ROR2: variants seen among roughly 807,000 people sequenced by gnomAD.
ROR2 encodes tyrosine-protein kinase transmembrane receptor ROR2.
In ROR2, 33 loss-of-function variants were observed where a neutral mutation model predicts 74.9. The observed-to-expected ratio is 0.44, with a 90% CI of 0.33 to 0.59. The LOEUF is 0.59. ROR2 is among the 20% of genes least tolerant of loss of function. The pLI is 0.02. For missense variants in ROR2, 1,216 were observed against 1,313.8 expected (o/e 0.93, Z 1.15); for synonymous variants, 586 against 558.7 (o/e 1.05, Z -0.69).
At chr9:91,731,187 CG>C (rs1837232937) in intron 6 of ROR2, 32 bp from the exon 7 acceptor site, 31 of 1,613,438 alleles carry the variant, frequency 1.9e-5, no homozygotes, top group Non-Finnish European at 2.5e-5. Context: ...GGAAAACCTC[CG>C]GGGTACAACA....
At chr9:91,844,836 G>A (rs1029128551) in intron 1 of ROR2, among the ~76,000 whole-genome samples, 2 of 152,178 alleles carry the variant, frequency 1.3e-5, no homozygotes, top group Non-Finnish European at 2.9e-5. Context: ...AGAATAGCAA[G>A]CCTCGCCCCA....
At chr9:91,790,536 A>G (rs1412553192) in intron 1 of ROR2, among the ~76,000 whole-genome samples, 2 of 151,808 alleles carry the variant, frequency 1.3e-5, no homozygotes, top group African/African-American at 4.8e-5. Context: ...AAAGTACAGC[A>G]CATAAAATTA....
At chr9:91,887,748 G>A (rs991814136) in intron 1 of ROR2, among the ~76,000 whole-genome samples, 2 of 149,526 alleles carry the variant, frequency 1.3e-5, no homozygotes, top group Non-Finnish European at 3.0e-5. Context: ...CAAATTCAAC[G>A]CCCTCCAGCA....
At chr9:91,917,152 T>G (rs945040095) in intron 1 of ROR2, among the ~76,000 whole-genome samples, 10 of 152,196 alleles carry the variant, frequency 6.6e-5, no homozygotes, top group Admixed American at 3.3e-4. Context: ...ATGCTTCAGC[T>G]CAACCATTTT....
intron 1 of ROR2, among the ~76,000 whole-genome samples, chr9:91,839,515 G>A (rs1483032351): frequency 2.0e-5 from 3 of 151,788 alleles, no homozygotes; most frequent in Non-Finnish European, 4.4e-5. Flanking sequence ...GGTATGTGTG[G>A]TGCGTGTATG....
intron 1 of ROR2, among the ~76,000 whole-genome samples, chr9:91,914,625 G>C (rs1445575498): frequency 6.6e-6 from 1 of 152,152 alleles, no homozygotes; most frequent in Admixed American, 6.5e-5. Flanking sequence ...GGGCAGGGGA[G>C]AGGCTTTTCC....
intron 1 of ROR2, among the ~76,000 whole-genome samples, chr9:91,916,934 G>A (rs577600392): frequency 2.0e-5 from 3 of 152,092 alleles, no homozygotes; most frequent in Non-Finnish European, 4.4e-5. Context: ...CCATGCTGGA[G>A]TGGAAAATGT....
At chr9:91,865,459 A>C (rs1031388750) in intron 1 of ROR2, among the ~76,000 whole-genome samples, 2 of 152,222 alleles carry the variant, frequency 1.3e-5, no homozygotes, top group Non-Finnish European at 2.9e-5. Flanking sequence ...AGAATACCAA[A>C]ACATTGGCTT....
chr9:91,846,562 G>T (rs181034100), intron 1 of ROR2, among the ~76,000 whole-genome samples: 16 of 152,278 alleles, frequency 1.1e-4, no homozygotes, highest in Non-Finnish European at 2.2e-4. Flanking sequence ...GGAGCCTACA[G>T]AGCAGACTTT....
chr9:91,796,163 C>A (rs1431684968), intron 1 of ROR2, among the ~76,000 whole-genome samples: 1 of 152,140 alleles, frequency 6.6e-6, no homozygotes, highest in African/African-American at 2.4e-5. Flanking sequence ...CACTTTTGGC[C>A]AGGCACAGTG....
intron 1 of ROR2, among the ~76,000 whole-genome samples, chr9:91,842,430 G>A (rs1828810216): frequency 6.6e-6 from 1 of 152,238 alleles, no homozygotes; most frequent in South Asian, 2.1e-4. Flanking sequence ...GAGGCACCAA[G>A]AATGCAAGTC....
intron 1 of ROR2, among the ~76,000 whole-genome samples, chr9:91,844,603 G>A (rs1416740918): frequency 6.6e-6 from 1 of 152,204 alleles, no homozygotes; most frequent in East Asian, 1.9e-4. Context: ...GGCAGCGGCT[G>A]GGGCTGAACT....
intron 1 of ROR2, among the ~76,000 whole-genome samples, chr9:91,881,485 C>T (rs1364409094): frequency 6.6e-6 from 1 of 152,184 alleles, no homozygotes; most frequent in Non-Finnish European, 1.5e-5. Flanking sequence ...TTTTGTTATA[C>T]AGTATGTCAT....
At chr9:91,855,190 A>G (rs1829240806) in intron 1 of ROR2, among the ~76,000 whole-genome samples, 1 of 152,140 alleles carries the variant, frequency 6.6e-6, no homozygotes. Flanking sequence ...TTCACATTAG[A>G]CTCAATGCTC....
At chr9:91,794,499 GA>G (rs79636416) in intron 1 of ROR2, among the ~76,000 whole-genome samples, 6,995 of 152,242 alleles carry the variant, frequency 0.046, 362 homozygotes, top group East Asian at 0.29. Flanking sequence ...AATCCCAGAA[GA>G]AACAAATCCA....
intron 1 of ROR2, among the ~76,000 whole-genome samples, chr9:91,796,453 A>AAAAAC (rs1564282096): frequency 6.6e-6 from 1 of 151,960 alleles, no homozygotes; most frequent in East Asian, 1.9e-4. Context: ...AAAAAAAAAA[A>AAAAAC]AACATTTTCA....
At chr9:91,918,282 A>T (rs914560081) in intron 1 of ROR2, among the ~76,000 whole-genome samples, 4 of 151,388 alleles carry the variant, frequency 2.6e-5, no homozygotes, top group African/African-American at 7.3e-5. Flanking sequence ...AAAAAAAAGA[A>T]GTTGTTGAAG....
At chr9:91,874,136 C>T (rs1829885299) in intron 1 of ROR2, among the ~76,000 whole-genome samples, 1 of 152,186 alleles carries the variant, frequency 6.6e-6, no homozygotes, top group African/African-American at 2.4e-5. Context: ...CAGACAGGGC[C>T]TCAAGGAATC....
At chr9:91,837,846 TA>T (rs1318324758) in intron 1 of ROR2, among the ~76,000 whole-genome samples, 2 of 152,142 alleles carry the variant, frequency 1.3e-5, no homozygotes, top group African/African-American at 4.8e-5. Context: ...AAGGTAGAAG[TA>T]AAAGAATAAG....
Sources: gnomAD v4.1 joint callset for allele counts (sites outside exome capture counted in the v4.1 genomes callset) on GRCh38, gnomAD v4.1.1 for gene constraint, MANE v1.5 for transcripts, NCBI Gene and HGNC (gene_info 2026-07-23, HGNC 2026-07-21) for gene names.